The following THNSL1 variants were observed in gnomAD, a reference collection of about 807,000 sequenced individuals.
THNSL1 encodes the protein threonine synthase like 1.
THNSL1 carries 48 observed loss-of-function variants against 50.4 expected under a neutral mutation model. The ratio of observed to expected loss-of-function variants is 0.95; its 90% CI spans 0.76 to 1.21. The LOEUF is 1.21. THNSL1 is among the 50% of genes most tolerant of loss of function. THNSL1 has a pLI of 0.00. For synonymous variants in THNSL1, 309 were observed against 306.1 expected (o/e 1.01, Z -0.10); for missense variants, 896 against 871.7 (o/e 1.03, Z -0.35).
chr10:25,021,414 T>TC (rs1263735378), intron 1 of THNSL1, among the ~76,000 whole-genome samples: 11 of 152,228 alleles, frequency 7.2e-5, no homozygotes, highest in Non-Finnish European at 1.6e-4. Context: ...GCTGACTTTT[T>TC]CCCCTCTGAT....
chr10:24,980,036 T>C, the THNSL1 span, among the ~76,000 whole-genome samples: 1 of 152,254 alleles, frequency 6.6e-6, no homozygotes, highest in Non-Finnish European at 1.5e-5. Flanking sequence ...TGCTACAACC[T>C]TGATCTGTGC....
At chr10:24,993,235 A>G in the THNSL1 span, among the ~76,000 whole-genome samples, 1 of 152,214 alleles carries the variant, frequency 6.6e-6, no homozygotes, top group Non-Finnish European at 1.5e-5. Flanking sequence ...AAATATTCCT[A>G]TGGGCTGAAT....
At chr10:24,996,456 G>GTGTGTATATA in the THNSL1 span, among the ~76,000 whole-genome samples, 4 of 149,712 alleles carry the variant, frequency 2.7e-5, no homozygotes, top group African/African-American at 7.4e-5. Context: ...GTGTGTGTGT[G>GTGTGTATATA]TATATATATA....
At chr10:24,970,854 T>A in the THNSL1 span, among the ~76,000 whole-genome samples, 1 of 151,940 alleles carries the variant, frequency 6.6e-6, no homozygotes, top group African/African-American at 2.4e-5. Context: ...TGAAACCCCA[T>A]CTCTACTAGA....
At chr10:24,974,765 A>C in the THNSL1 span, among the ~76,000 whole-genome samples, 1 of 141,478 alleles carries the variant, frequency 7.1e-6, no homozygotes, top group African/African-American at 2.5e-5. Context: ...TAGAAAAAAC[A>C]GACTTTCAGG....
intron 1 of THNSL1, among the ~76,000 whole-genome samples, chr10:25,021,286 G>C (rs1039994943): frequency 2.7e-4 from 41 of 152,126 alleles, no homozygotes; most frequent in African/African-American, 9.4e-4. Flanking sequence ...ATCTTTTTGT[G>C]GCAAGAGTTT....
chr10:24,987,562 C>T, the THNSL1 span, among the ~76,000 whole-genome samples: 168 of 152,298 alleles, frequency 1.1e-3, 1 homozygote, highest in African/African-American at 3.8e-3. Context: ...GCACTCCAGC[C>T]TAGGCAACAG....
chr10:25,023,595 A>G lies in THNSL1; in HGVS notation c.372A>G (p.Ala124=). 1 of 1,614,188 alleles carries G rather than the reference A, an allele frequency of 6.2e-7. No individual in the cohort carries two copies. Residue 124 remains alanine (A), a synonymous_variant, in exon 3 of 3, where the codon GCA becomes GCG. Coordinates refer to ENST00000376356, the MANE Select transcript of THNSL1 (RefSeq NM_024838.5). ...GAAAAGCTGTGTTAAACTTCTCTGC[A>G]TCTGGAAGTGTGATTTCCCTTACTG... ...EEGKAVLNFS[A]SGSVISLTGS... is the part of the protein sequence containing the mutation.
At chr10:25,019,391 T>C (rs1423304968) in intron 1 of THNSL1, among the ~76,000 whole-genome samples, 3 of 152,120 alleles carry the variant, frequency 2.0e-5, no homozygotes, top group African/African-American at 4.8e-5. Flanking sequence ...GGAGGATTGC[T>C]TGAGCCTAGG....
At chr10:25,015,974 C>CT, upstream of THNSL1, 1 of 1,587,520 alleles carries the variant, frequency 6.3e-7, no homozygotes. Context: ...CTCTCCACAA[C>CT]TTTTTTCTCC....
At chr10:24,977,474 G>A in the THNSL1 span, among the ~76,000 whole-genome samples, 22 of 152,202 alleles carry the variant, frequency 1.4e-4, 1 homozygote, top group African/African-American at 5.3e-4. Context: ...ATCAACAAGT[G>A]CAATTTTCAA....
the THNSL1 span, among the ~76,000 whole-genome samples, chr10:24,960,665 G>T: frequency 2.0e-5 from 3 of 151,952 alleles, no homozygotes; most frequent in Admixed American, 1.3e-4. Context: ...GACCTCAAGT[G>T]ATCCACCTGC....
chr10:24,952,441 G>A, the THNSL1 span: 33 of 1,447,066 alleles, frequency 2.3e-5, no homozygotes, highest in Non-Finnish European at 3.1e-5. This position sits in a 1 kb window ranked among gnomAD's most constrained non-coding sequence, Gnocchi z 5.1. Flanking sequence ...TCTCTCCCCC[G>A]ACGCACGGCA....
At chr10:24,986,950 A>G in the THNSL1 span, among the ~76,000 whole-genome samples, 1 of 152,196 alleles carries the variant, frequency 6.6e-6, no homozygotes, top group Non-Finnish European at 1.5e-5. Context: ...AAATTCAGAC[A>G]GGGAGAAGTG....
chr10:24,986,557 T>C, the THNSL1 span, among the ~76,000 whole-genome samples: 1 of 152,372 alleles, frequency 6.6e-6, no homozygotes, highest in Non-Finnish European at 1.5e-5. Flanking sequence ...GGAGTGGCTA[T>C]TGCAGAGAGG....
upstream of THNSL1, among the ~76,000 whole-genome samples, chr10:25,011,685 T>C (rs891455643): frequency 3.9e-5 from 6 of 152,182 alleles, no homozygotes; most frequent in Non-Finnish European, 8.8e-5. Context: ...AAGGTTTTCA[T>C]GTCTAAAACA....
At chr10:24,984,271 A>G in the THNSL1 span, 12 of 1,347,306 alleles carry the variant, frequency 8.9e-6, no homozygotes, top group East Asian at 2.6e-4. Context: ...TGTGGAGCTC[A>G]GAAACAATGT....
At chr10:24,978,386 T>C in the THNSL1 span, among the ~76,000 whole-genome samples, 1 of 152,046 alleles carries the variant, frequency 6.6e-6, no homozygotes. Flanking sequence ...ATTCCTTTTT[T>C]TTTACTTTTC....
the THNSL1 span, among the ~76,000 whole-genome samples, chr10:25,008,998 T>A: frequency 6.6e-6 from 1 of 151,794 alleles, no homozygotes; most frequent in Non-Finnish European, 1.5e-5. Context: ...CAGCAAACTA[T>A]CACAAGGACA....
Sources: allele counts gnomAD v4.1 joint callset (sites outside exome capture counted in the v4.1 genomes callset), GRCh38; gene constraint gnomAD v4.1.1; non-coding constraint Gnocchi (gnomAD v3.1); transcripts MANE v1.5; gene names NCBI Gene and HGNC (gene_info 2026-07-23, HGNC 2026-07-21).